ADCY3: variants seen among roughly 807,000 people sequenced by gnomAD.
The protein encoded by ADCY3 is adenylate cyclase type 3.
A neutral mutation model predicts 119.4 loss-of-function variants in ADCY3; 70 were observed. The ratio of observed to expected loss-of-function variants is 0.59; its 90% confidence interval spans 0.48 to 0.72. The LOEUF is 0.72. Among genes scored for constraint, ADCY3 ranks in the 30% least tolerant of loss-of-function variants. ADCY3 has a pLI of 0.00. For missense variants in ADCY3, 1,238 were observed against 1,541.6 expected, an observed-to-expected ratio of 0.80 and a Z score of 3.30; for synonymous variants, 672 against 621.4, an observed-to-expected ratio of 1.08 and a Z score of -1.21.
intron 2 of ADCY3, among the ~76,000 whole-genome samples, chr2:24,876,680 T>G (rs985321817): frequency 6.6e-6 from 1 of 152,162 alleles, no homozygotes; most frequent in African/African-American, 2.4e-5. Flanking sequence ...AAGAACTTGA[T>G]GCTGGGTAAG....
chr2:24,820,210 C>A (rs1667362247), intron 21 of ADCY3, 96 bp from the exon 22 acceptor site: 1 of 1,257,028 alleles, frequency 8.0e-7, no homozygotes, highest in African/African-American at 1.5e-5. Context: ...AGCACTGATC[C>A]ATGGGTCCCA....
chr2:24,828,437 C>T (rs1668935439), intron 13 of ADCY3, among the ~76,000 whole-genome samples: 1 of 152,112 alleles, frequency 6.6e-6, no homozygotes, highest in Non-Finnish European at 1.5e-5. Flanking sequence ...CAGATTTGCC[C>T]AAACACAATT....
In ADCY3 at chr2:24,898,333, G is replaced by A. The variant is rs147738370; in HGVS notation, c.675+19980C>T. Among the ~76,000 whole-genome samples, 148 of 152,054 alleles carry A rather than the reference G, an allele frequency of 9.7e-4. No homozygotes were observed. Among genetic ancestry groups the A allele is most frequent in the Middle Eastern group, 3.4e-3 (1 of 294 alleles). ...TCACCGTGGGGTGAGCCCCACCCTC[G>A]CACCGAGAAGAAAGGAAGGGAGTGG... On this transcript the variant is annotated intron_variant, in intron 2 of 21. Transcript: ENST00000679454. The surrounding 1 kb of genome is among the most constrained non-coding windows in gnomAD (Gnocchi z 4.3).
rs1185772149 is a variant in ADCY3 at position 24,821,601 on chromosome 2, C to T, written c.3043G>A (p.Asp1015Asn). ...ATGGCCAGCGCGAAGTCGGCCAGGT[C>T]AGCCAGGTGCTGCCAGCGCTCTCTC... ...SERERWQHLA[D>N]LADFALAMKD... is the part of the protein sequence containing the mutation. The change falls in exon 20 of 22, where the codon GAC becomes AAC. Residue 1015 changes from aspartate (D) to asparagine (N), a missense_variant. This residue lies in a region of ADCY3 where 63 missense variants were observed against 62.8 expected (regional missense o/e 1.00). Coordinates refer to ENST00000679454, the MANE Select transcript of ADCY3 (RefSeq NM_004036.5). 3 of 1,614,050 alleles carry T rather than the reference C, an allele frequency of 1.9e-6. No homozygotes were observed. The highest frequency in any genetic ancestry group is 3.3e-5 in the Admixed American group (2 of 60,004).
chr2:24,869,261 G>A (rs1674679052), intron 3 of ADCY3, among the ~76,000 whole-genome samples: 1 of 152,068 alleles, frequency 6.6e-6, no homozygotes. Context: ...GAATGGACAT[G>A]TTTCTGGGGG....
intron 16 of ADCY3, chr2:24,825,746 G>A: frequency 2.4e-6 from 1 of 414,596 alleles, no homozygotes; most frequent in Non-Finnish European, 4.4e-6. Context: ...CCCTGGCCTA[G>A]GGGATATTGA....
intron 2 of ADCY3, among the ~76,000 whole-genome samples, chr2:24,886,869 G>A (rs548488462): frequency 6.0e-4 from 92 of 152,336 alleles, no homozygotes; most frequent in African/African-American, 2.1e-3. Flanking sequence ...AAGGCAAGCC[G>A]GTCCCTGGGG....
At chr2:24,869,935 G>A (rs1674756493) in intron 3 of ADCY3, among the ~76,000 whole-genome samples, 1 of 152,132 alleles carries the variant, frequency 6.6e-6, no homozygotes, top group African/African-American at 2.4e-5. Flanking sequence ...GAAACTCACA[G>A]GGGGCAGGAT....
chr2:24,856,146 G>T (rs963267324), intron 3 of ADCY3, among the ~76,000 whole-genome samples: 12 of 152,230 alleles, frequency 7.9e-5, no homozygotes, highest in African/African-American at 2.9e-4. Context: ...GACCCATAGT[G>T]CTCAGGTGGC....
intron 16 of ADCY3, 120 bp downstream of exon 16, chr2:24,825,925 G>C: frequency 2.2e-6 from 2 of 928,830 alleles, no homozygotes; most frequent in East Asian, 2.6e-5. Context: ...GCTCACGTGT[G>C]GGGCTGGGTG....
In ADCY3 at chr2:24,834,863, G is replaced by A. The variant is rs1670086013; in HGVS notation, c.1736C>T (p.Ala579Val). 1.9e-6 allele frequency: 3 copies of A among 1,613,744 alleles called. No homozygotes were observed. The African/African-American group carries it at 4.0e-5, about 22-fold the overall frequency. Residue 579 changes from alanine (A) to valine (V), a missense_variant, in exon 10 of 22, where the codon GCC becomes GTC. Physicochemically the swap from Ala to Val is moderately conservative, Grantham distance 64. Coordinates refer to ENST00000679454, the MANE Select transcript of ADCY3 (RefSeq NM_004036.5). This position sits in a 1 kb window ranked among gnomAD's most constrained non-coding sequence, Gnocchi z 4.2. ...GTTGAGCTCGTGCTCATCTTCAGAG[G>A]CATCCACCACTCGGTCAGCCAGGTC... ...LQDLADRVVD[A>V]SEDEHELNQL...
chr2:24,864,481 C>T (rs976494550), intron 3 of ADCY3, among the ~76,000 whole-genome samples: 1 of 152,032 alleles, frequency 6.6e-6, no homozygotes, highest in Non-Finnish European at 1.5e-5. Flanking sequence ...AGAAAACACC[C>T]AAATGTCCAA....
rs1668048657 is a variant in ADCY3, at chr2:24,823,205, TCA to T, written c.2883+2_2883+3del. The T allele has an allele frequency of 1.2e-6, 2 of 1,611,954 alleles. No individual in the cohort carries two copies. Among genetic ancestry groups the T allele is most frequent in the Non-Finnish European group, 1.7e-6 (2 of 1,179,408 alleles). ...CCAGAGTGCAGGGTGGGATGGGCAC[TCA>T]CAGAGTCAAAATCTGAGATGATTTC... On this transcript the variant is annotated splice_donor_variant and splice_donor_region_variant and intron_variant, in intron 18 of 21. Transcript: ENST00000679454. LOFTEE classifies it high-confidence loss of function.
chr2:24,914,268 G>C (rs1476257633), intron 2 of ADCY3, among the ~76,000 whole-genome samples: 1 of 152,204 alleles, frequency 6.6e-6, no homozygotes, highest in Non-Finnish European at 1.5e-5. Context: ...GTGCTCCATG[G>C]AACACAGACA....
chr2:24,824,627 GC>G, intron 16 of ADCY3, 91 bp from the exon 17 acceptor site: 3 of 1,451,786 alleles, frequency 2.1e-6, no homozygotes, highest in Non-Finnish European at 2.8e-6. Flanking sequence ...GGCGGTTCAT[GC>G]CTGTAATCCC....
In ADCY3 at chr2:24,898,705, C is replaced by T. The variant is rs1480501082; in HGVS notation, c.675+19608G>A. Among the ~76,000 whole-genome samples the T allele has an allele frequency of 1.3e-5, 2 of 152,188 alleles. No homozygotes were observed. The highest frequency in any genetic ancestry group is 4.8e-5 in the African/African-American group (2 of 41,430). On this transcript the variant is annotated intron_variant, in intron 2 of 21. Coordinates refer to ENST00000679454, the MANE Select transcript of ADCY3 (RefSeq NM_004036.5). The surrounding 1 kb of genome is among the most constrained non-coding windows in gnomAD (Gnocchi z 4.3). ...TCCCAGGAAACCGCACAGCTCCCGG[C>T]TCCAGGTCTCTGGGGAGACAACCCT...
chr2:24,824,845 G>A (rs1301336129), intron 16 of ADCY3, among the ~76,000 whole-genome samples: 2 of 152,056 alleles, frequency 1.3e-5, no homozygotes, highest in East Asian at 1.9e-4. Context: ...AGCCGAGATC[G>A]CACCACTGCA....
intron 3 of ADCY3, among the ~76,000 whole-genome samples, chr2:24,864,929 C>T (rs1271666424): frequency 1.3e-5 from 2 of 152,162 alleles, no homozygotes; most frequent in African/African-American, 4.8e-5. Context: ...CCAGCAATTC[C>T]ACTTCTAGGT....
chr2:24,918,055 A>G lies in ADCY3; in HGVS notation c.675+258T>C, dbSNP rs1165706427. On this transcript the variant is annotated intron_variant, in intron 2 of 21. Transcript: ENST00000679454. This position sits in a 1 kb window ranked among gnomAD's most constrained non-coding sequence, Gnocchi z 5.4. ...CCCTGGGTGGGCCTTCCTGTCACACACTTAGACTGGGCACAGGTGAAGAGT... is the reference window on the plus strand; with the variant it reads ...CCCTGGGTGGGCCTTCCTGTCACACGCTTAGACTGGGCACAGGTGAAGAGT... Among the ~76,000 whole-genome samples, 1 of 152,148 alleles carries G rather than the reference A, an allele frequency of 6.6e-6. No homozygotes were observed. Among genetic ancestry groups the G allele is most frequent in the Non-Finnish European group, 1.5e-5 (1 of 68,020 alleles).
Sources: allele counts gnomAD v4.1 joint callset (sites outside exome capture counted in the v4.1 genomes callset), GRCh38; gene constraint gnomAD v4.1.1; regional missense constraint gnomAD v4.1.1; non-coding constraint Gnocchi (gnomAD v3.1); transcripts MANE v1.5; gene names NCBI Gene and HGNC (gene_info 2026-07-23, HGNC 2026-07-21).